The following DCDC1 variants were observed in gnomAD, a reference collection of about 807,000 sequenced individuals.
DCDC1 encodes the protein doublecortin domain containing 1, also known as doublecortin domain-containing protein 1.
A neutral mutation model predicts 178.3 loss-of-function variants in DCDC1; 200 were observed. The ratio of observed to expected loss-of-function variants is 1.12; its 90% CI spans 1.00 to 1.26. The LOEUF (loss-of-function observed/expected upper bound fraction) is 1.26. Ranked by LOEUF, DCDC1 falls within the 50% of genes most tolerant of loss-of-function variation. DCDC1 has a pLI of 0.00. For synonymous variants in DCDC1, 690 were observed against 604.8 expected, an observed-to-expected ratio of 1.14 and a Z score of -2.07; for missense variants, 1,983 against 1,749.2, an observed-to-expected ratio of 1.13 and a Z score of -2.38.
At chr11:31,152,408 C>A (rs1965263600) in intron 9 of DCDC1, among the ~76,000 whole-genome samples, 1 of 152,190 alleles carries the variant, frequency 6.6e-6, no homozygotes, top group Non-Finnish European at 1.5e-5. Context: ...AAAGTCTCCA[C>A]CACAGTGTTG....
At chr11:31,019,568 AT>A (rs1443346332) in intron 20 of DCDC1, among the ~76,000 whole-genome samples, 3 of 152,144 alleles carry the variant, frequency 2.0e-5, no homozygotes, top group Admixed American at 6.5e-5. Flanking sequence ...TTGTTTTTAT[AT>A]TTTTTTAAAA....
chr11:31,006,429 C>T (rs959788298), intron 20 of DCDC1, among the ~76,000 whole-genome samples: 26 of 152,246 alleles, frequency 1.7e-4, no homozygotes, highest in South Asian at 1.5e-3. Context: ...GAGTCCTTAT[C>T]CCCAGGACTG....
chr11:31,326,685 C>T lies in DCDC1; in HGVS notation c.164+1432G>A, dbSNP rs1273247921. Among the ~76,000 whole-genome samples, 4 of 152,028 alleles carry T rather than the reference C, an allele frequency of 2.6e-5. No homozygotes were observed. In the South Asian group the frequency reaches 6.2e-4, roughly 24 times the overall value. ...TATAGCTGAGAGGAATAAAGCAAAA[C>T]GAATTAGCTGAAAGTCAAGGTTTCA... On this transcript the variant is annotated intron_variant, in intron 3 of 38. Transcript: ENST00000684477.
intron 9 of DCDC1, among the ~76,000 whole-genome samples, chr11:31,138,960 A>G (rs960089430): frequency 2.0e-5 from 3 of 152,054 alleles, no homozygotes; most frequent in Non-Finnish European, 4.4e-5. Context: ...GATTCTGATG[A>G]TCACCCTAGA....
At chr11:31,183,133 A>C (rs1454308415) in intron 9 of DCDC1, among the ~76,000 whole-genome samples, 1 of 152,180 alleles carries the variant, frequency 6.6e-6, no homozygotes, top group Admixed American at 6.5e-5. Flanking sequence ...AGAGACTTAG[A>C]CTCCCACACA....
At chr11:30,932,055 C>A in intron 21 of DCDC1, 103 bp from the exon 22 acceptor site, 1 of 1,151,424 alleles carries the variant, frequency 8.7e-7, no homozygotes, top group Non-Finnish European at 1.1e-6. Flanking sequence ...ATCTCTCATT[C>A]ATTCAACAAA....
chr11:31,108,250 T>C (rs560152872), intron 12 of DCDC1, among the ~76,000 whole-genome samples: 2 of 152,338 alleles, frequency 1.3e-5, no homozygotes, highest in African/African-American at 4.8e-5. Flanking sequence ...GCATTAATAC[T>C]TCCCATCCAG....
At chr11:30,928,098 A>G (rs1946702939) in intron 22 of DCDC1, among the ~76,000 whole-genome samples, 1 of 152,134 alleles carries the variant, frequency 6.6e-6, no homozygotes, top group African/African-American at 2.4e-5. Flanking sequence ...TCCCTCATAA[A>G]TAGATTAATG....
intron 36 of DCDC1, among the ~76,000 whole-genome samples, chr11:30,886,618 T>C (rs1943192772): frequency 6.6e-6 from 1 of 152,172 alleles, no homozygotes; most frequent in African/African-American, 2.4e-5. Flanking sequence ...ATTAATTCTA[T>C]TGGATTAATG....
intron 9 of DCDC1, among the ~76,000 whole-genome samples, chr11:31,187,108 C>T (rs562838780): frequency 2.6e-5 from 4 of 152,312 alleles, no homozygotes; most frequent in South Asian, 2.1e-4. Flanking sequence ...CTTCAACATA[C>T]ATATCCAGAA....
intron 7 of DCDC1, among the ~76,000 whole-genome samples, chr11:31,288,586 A>T (rs1947006709): frequency 6.6e-6 from 1 of 151,908 alleles, no homozygotes; most frequent in Non-Finnish European, 1.5e-5. Flanking sequence ...CATTCTCAAT[A>T]AATCTCTTCT....
intron 15 of DCDC1, among the ~76,000 whole-genome samples, chr11:31,099,580 A>G (rs1425226049): frequency 1.2e-4 from 18 of 152,138 alleles, no homozygotes; most frequent in Admixed American, 1.1e-3. Context: ...CATCTAGTTC[A>G]ATGTCATTGT....
At chr11:30,912,469 A>C (rs1449288819) in intron 27 of DCDC1, among the ~76,000 whole-genome samples, 1 of 152,030 alleles carries the variant, frequency 6.6e-6, no homozygotes, top group Non-Finnish European at 1.5e-5. Context: ...TTTTTAGTAG[A>C]GACGGGGTTT....
At chr11:31,243,357 ATTG>A (rs1341644549) in intron 8 of DCDC1, among the ~76,000 whole-genome samples, 3 of 151,740 alleles carry the variant, frequency 2.0e-5, no homozygotes, top group Non-Finnish European at 4.4e-5. Context: ...TGGTATACTC[ATTG>A]AACCTGGCAT....
intron 20 of DCDC1, among the ~76,000 whole-genome samples, chr11:31,035,172 TAC>T (rs1467890202): frequency 6.6e-6 from 1 of 152,214 alleles, no homozygotes; most frequent in African/African-American, 2.4e-5. Context: ...GTGAAAATAG[TAC>T]AGAGTTCCCA....
At chr11:30,911,073 G>C (rs1041865991) in intron 28 of DCDC1, among the ~76,000 whole-genome samples, 1 of 151,988 alleles carries the variant, frequency 6.6e-6, no homozygotes, top group Non-Finnish European at 1.5e-5. Context: ...GCTTGCCATT[G>C]GGTTTGATTT....
At chr11:31,001,487 CAGTTAATTACA>C (rs998597047) in intron 20 of DCDC1, among the ~76,000 whole-genome samples, 4 of 152,180 alleles carry the variant, frequency 2.6e-5, no homozygotes, top group African/African-American at 9.6e-5. Context: ...TCCAGGGCTG[CAGTTAATTACA>C]TGAAGAGACA....
intron 20 of DCDC1, among the ~76,000 whole-genome samples, chr11:31,016,524 T>A (rs975014645): frequency 6.6e-6 from 1 of 152,182 alleles, no homozygotes; most frequent in East Asian, 1.9e-4. Context: ...AAACTGAAGA[T>A]GTATTAACTG....
At chr11:31,353,465 C>T (rs1012506194) in intron 1 of DCDC1, among the ~76,000 whole-genome samples, 1 of 151,942 alleles carries the variant, frequency 6.6e-6, no homozygotes, top group Non-Finnish European at 1.5e-5. Flanking sequence ...GATAATAAAC[C>T]ACATGGAGAC....
Sources: gnomAD v4.1 joint callset for allele counts (sites outside exome capture counted in the v4.1 genomes callset) on GRCh38, gnomAD v4.1.1 for gene constraint, MANE v1.5 for transcripts, NCBI Gene and HGNC (gene_info 2026-07-23, HGNC 2026-07-21) for gene names.